SAMD3: variants seen among roughly 807,000 people sequenced by gnomAD.
SAMD3 encodes the protein sterile alpha motif domain-containing protein 3.
SAMD3 carries 63 observed loss-of-function variants against 58.5 expected under a neutral mutation model. The ratio of observed to expected loss-of-function variants is 1.08; its 90% CI spans 0.88 to 1.33. SAMD3 has a LOEUF of 1.33. Ranked by LOEUF, SAMD3 falls within the 40% of genes most tolerant of loss-of-function variation. The pLI, the probability that SAMD3 is intolerant of heterozygous loss-of-function variation, is 0.00. For synonymous variants in SAMD3, 220 were observed against 210.3 expected (o/e 1.05, Z -0.40); for missense variants, 604 against 608.4 (o/e 0.99, Z 0.08).
chr6:130,209,714 T>C (rs891322159), intron 4 of SAMD3, 106 bp from the exon 5 acceptor site: 13 of 648,922 alleles, frequency 2.0e-5, no homozygotes, highest in Non-Finnish European at 3.2e-5. Flanking sequence ...TCATGGTCTG[T>C]GTCCACTTCC....
chr6:130,166,631 A>T (rs1445610070), intron 8 of SAMD3, among the ~76,000 whole-genome samples: 1 of 152,202 alleles, frequency 6.6e-6, no homozygotes, highest in African/African-American at 2.4e-5. Context: ...AGAATAAGGG[A>T]GTAACTTTGT....
At chr6:130,306,793 C>T (rs1215284016) in intron 2 of SAMD3, among the ~76,000 whole-genome samples, 1 of 152,152 alleles carries the variant, frequency 6.6e-6, no homozygotes, top group South Asian at 2.1e-4. Flanking sequence ...AATGTTCTTT[C>T]TTTTTCTATT....
chr6:130,282,161 C>T (rs563024280), intron 2 of SAMD3, among the ~76,000 whole-genome samples: 18 of 152,072 alleles, frequency 1.2e-4, no homozygotes, highest in East Asian at 1.9e-4. Flanking sequence ...CACACGCACA[C>T]GTGCAGGGAG....
intron 1 of SAMD3, among the ~76,000 whole-genome samples, chr6:130,316,268 G>A (rs1035507695): frequency 7.1e-6 from 1 of 140,590 alleles, no homozygotes; most frequent in African/African-American, 2.7e-5. Flanking sequence ...TCCAGCCTAG[G>A]CAACAGAGCA....
At chr6:130,230,840 T>C (rs62431203) in intron 2 of SAMD3, among the ~76,000 whole-genome samples, 2 of 152,266 alleles carry the variant, frequency 1.3e-5, no homozygotes, top group Non-Finnish European at 2.9e-5. Context: ...TCAACATAAA[T>C]AAATATGGGT....
chr6:130,364,101 C>G (rs558482583), intron 1 of SAMD3, among the ~76,000 whole-genome samples: 1 of 152,140 alleles, frequency 6.6e-6, no homozygotes, highest in Non-Finnish European at 1.5e-5. Context: ...TCTTCTGAGA[C>G]TAATAGTAAT....
intron 1 of SAMD3, among the ~76,000 whole-genome samples, chr6:130,341,089 C>A (rs1455280028): frequency 6.6e-6 from 1 of 150,984 alleles, no homozygotes; most frequent in Admixed American, 6.6e-5. Context: ...TCCACAAACT[C>A]TCAGTGTTAC....
chr6:130,331,607 T>C (rs1776936390), intron 1 of SAMD3, among the ~76,000 whole-genome samples: 1 of 152,112 alleles, frequency 6.6e-6, no homozygotes, highest in Non-Finnish European at 1.5e-5. Context: ...TAATCCCAGC[T>C]ACTCAGGAGG....
At chr6:130,179,316 G>A (rs768949645) in intron 7 of SAMD3, among the ~76,000 whole-genome samples, 3 of 152,116 alleles carry the variant, frequency 2.0e-5, no homozygotes, top group Non-Finnish European at 4.4e-5. Context: ...AGACTCAGTA[G>A]GAAATATTTA....
In SAMD3 at chr6:130,331,838, A is replaced by G. The variant is rs993355428; in HGVS notation, c.-303-18745T>C. On this transcript the variant is annotated intron_variant, in intron 1 of 13. Transcript: ENST00000368134. ...GTTTATGTGCTTCTGTGTGTTTATG[A>G]CTTTACATAGCATGGTGAGGTATGT... Among the ~76,000 whole-genome samples, 8 of 152,240 alleles carry G rather than the reference A, an allele frequency of 5.3e-5. 1 individual carries two copies. In the South Asian group the frequency reaches 6.2e-4, roughly 12 times the overall value.
At chr6:130,209,380 C>T in intron 5 of SAMD3, 115 bp downstream of exon 5, 2 of 527,946 alleles carry the variant, frequency 3.8e-6, no homozygotes, top group South Asian at 3.6e-5. Context: ...TATTCCCTTC[C>T]AGGAAAACAA....
intron 10 of SAMD3, 35 bp downstream of exon 10, chr6:130,145,975 A>G (rs763908671): frequency 3.1e-6 from 4 of 1,272,380 alleles, no homozygotes; most frequent in Non-Finnish European, 3.1e-6. Context: ...GATAAATAAC[A>G]GATGAAATCA....
At chr6:130,283,169 G>A (rs1490020856) in intron 2 of SAMD3, among the ~76,000 whole-genome samples, 1 of 152,190 alleles carries the variant, frequency 6.6e-6, no homozygotes, top group African/African-American at 2.4e-5. Context: ...TAAAGGACTT[G>A]CAAACAGAGT....
At chr6:130,195,183 C>A (rs544476789) in intron 5 of SAMD3, among the ~76,000 whole-genome samples, 1 of 152,240 alleles carries the variant, frequency 6.6e-6, no homozygotes, top group Non-Finnish European at 1.5e-5. Context: ...TTCTCCCCAA[C>A]CCAAAGCCTC....
At chr6:130,222,546 A>G (rs939658545) in intron 1 of SAMD3, 148 bp downstream of exon 1, 1 of 152,254 alleles carries the variant, frequency 6.6e-6, no homozygotes, top group Non-Finnish European at 1.5e-5. Context: ...AGCATATACT[A>G]GAAGGCAGAA....
upstream of SAMD3, among the ~76,000 whole-genome samples, chr6:130,224,429 C>T (rs545323829): frequency 3.3e-5 from 5 of 150,570 alleles, no homozygotes; most frequent in Non-Finnish European, 5.9e-5. Context: ...GCCCGCCTCC[C>T]GTATCAAAAG....
At chr6:130,236,324 C>G (rs1248060045) in intron 2 of SAMD3, among the ~76,000 whole-genome samples, 2 of 151,764 alleles carry the variant, frequency 1.3e-5, no homozygotes, top group South Asian at 2.1e-4. Context: ...AGTTAGACCT[C>G]AGGTCTCTTT....
intron 1 of SAMD3, among the ~76,000 whole-genome samples, chr6:130,324,771 C>CG (rs1776698978): frequency 9.1e-6 from 1 of 110,218 alleles, no homozygotes; most frequent in African/African-American, 7.2e-5. Flanking sequence ...TTTTGGAGAA[C>CG]ATTTTTTTTT....
intron 2 of SAMD3, among the ~76,000 whole-genome samples, chr6:130,262,122 T>C (rs929059098): frequency 6.6e-6 from 1 of 152,118 alleles, no homozygotes; most frequent in Non-Finnish European, 1.5e-5. Flanking sequence ...AAACCTGTAA[T>C]TGATAATTGA....
Sources: allele counts gnomAD v4.1 joint callset (sites outside exome capture counted in the v4.1 genomes callset), GRCh38; gene constraint gnomAD v4.1.1; transcripts MANE v1.5; gene names NCBI Gene and HGNC (gene_info 2026-07-23, HGNC 2026-07-21).